The following EBF2 variants were observed in gnomAD, a reference collection of about 807,000 sequenced individuals.
EBF2 encodes the protein transcription factor COE2.
Under a neutral mutation model 72.8 loss-of-function variants are expected in EBF2, and 21 were observed. That is an observed-to-expected ratio of 0.29 (90% CI 0.20 to 0.42). The LOEUF is 0.42. Among genes scored for constraint, EBF2 ranks in the 10% least tolerant of loss-of-function variants. The pLI is 1.00. For synonymous variants in EBF2, 299 were observed against 274.2 expected, an observed-to-expected ratio of 1.09 and a Z score of -0.89; for missense variants, 637 against 731.2, an observed-to-expected ratio of 0.87 and a Z score of 1.49.
chr8:25,888,749 G>A (rs1174662047), intron 8 of EBF2, among the ~76,000 whole-genome samples: 1 of 152,108 alleles, frequency 6.6e-6, no homozygotes, highest in Non-Finnish European at 1.5e-5. Flanking sequence ...TGGTTTTCAG[G>A]CCATAACTAA....
intron 6 of EBF2, among the ~76,000 whole-genome samples, chr8:26,020,835 T>C (rs1281315235): frequency 6.6e-6 from 1 of 152,178 alleles, no homozygotes; most frequent in African/African-American, 2.4e-5. Context: ...CCTTGCCAGC[T>C]GGAGGATAAA....
intron 14 of EBF2, 31 bp downstream of exon 14, chr8:25,858,288 T>C: frequency 6.2e-7 from 1 of 1,612,474 alleles, no homozygotes; most frequent in South Asian, 1.1e-5. Flanking sequence ...CAAAAAAGCA[T>C]GGAGAGCCAA....
intron 7 of EBF2, among the ~76,000 whole-genome samples, chr8:25,903,433 C>T (rs886642477): frequency 1.3e-5 from 2 of 151,980 alleles, no homozygotes; most frequent in African/African-American, 4.8e-5. Flanking sequence ...CGGTGGCTCA[C>T]GCCTGTAATC....
rs1802138925 is a variant in EBF2 at position 25,858,365 on chromosome 8, A to G, written c.1482T>C (p.Gly494=). ...GTGAGCCATTTAGAAATCCTGGTGA[A>G]CCTGGAACACCCAAGTTGGCCATGG... ...NVPMANLGVP[G]SPGFLNGSPT... is the part of the protein sequence containing the mutation. The change falls in exon 14 of 16, where the codon GGT becomes GGC. Residue 494 remains glycine (G), a synonymous_variant. Coordinates refer to ENST00000520164, the MANE Select transcript of EBF2 (RefSeq NM_022659.4). 1 of 1,614,168 alleles carries G rather than the reference A, an allele frequency of 6.2e-7. No homozygotes were observed.
chr8:25,899,221 T>A (rs1323016569), intron 7 of EBF2, among the ~76,000 whole-genome samples: 1 of 149,430 alleles, frequency 6.7e-6, no homozygotes. Flanking sequence ...AAGAGAAAGA[T>A]CCTCCGACCC....
chr8:26,025,505 G>C (rs1479776854), intron 6 of EBF2, among the ~76,000 whole-genome samples: 3 of 152,026 alleles, frequency 2.0e-5, no homozygotes, highest in African/African-American at 7.2e-5. Context: ...TCCAGTGTCA[G>C]GAAGCTGGCC....
intron 6 of EBF2, among the ~76,000 whole-genome samples, chr8:25,936,072 G>A (rs910355221): frequency 6.6e-6 from 1 of 152,182 alleles, no homozygotes; most frequent in Non-Finnish European, 1.5e-5. Context: ...AGTGTTCAGT[G>A]TGGTTAGAGG....
At chr8:25,845,374 C>T (rs956279652) in intron 15 of EBF2, among the ~76,000 whole-genome samples, 2 of 152,154 alleles carry the variant, frequency 1.3e-5, no homozygotes, top group Non-Finnish European at 2.9e-5. Context: ...GCTGGGACTA[C>T]AGGTGCATGC....
chr8:26,023,663 T>C (rs1306045575), intron 6 of EBF2, among the ~76,000 whole-genome samples: 1 of 152,122 alleles, frequency 6.6e-6, no homozygotes, highest in South Asian at 2.1e-4. Context: ...AATTCACAGA[T>C]TGCCAGATGG....
rs1801790176 is a variant in EBF2 at position 25,844,388 on chromosome 8, G to A, written c.*221C>T. The A allele has an allele frequency of 3.8e-6, 2 of 527,346 alleles. No individual in the cohort carries two copies. The highest frequency in any genetic ancestry group is 6.8e-6 in the Non-Finnish European group (2 of 295,490). 32.7% of individuals were successfully genotyped at this position (527,346 alleles called of 1,614,324 possible). A position where few individuals can be genotyped will look rare whatever the true frequency, so the allele number is the denominator to read the frequency against. The stretch of plus-strand genomic sequence containing the variant: ...TGCTCTTAGCACTGACTACGTCAAT[G>A]ACATCTTTTGTCCTTGTCCCAAGAG... On this transcript the variant is annotated 3_prime_UTR_variant, in exon 16 of 16. Coordinates refer to ENST00000520164, the MANE Select transcript of EBF2 (RefSeq NM_022659.4).
chr8:25,995,001 AT>A (rs76818877), intron 6 of EBF2, among the ~76,000 whole-genome samples: 17 of 151,882 alleles, frequency 1.1e-4, no homozygotes, highest in African/African-American at 3.4e-4. Flanking sequence ...TGAAAAAAAA[AT>A]TTTTTTTAAA....
At chr8:25,999,329 T>A (rs1333110665) in intron 6 of EBF2, among the ~76,000 whole-genome samples, 1 of 152,264 alleles carries the variant, frequency 6.6e-6, no homozygotes, top group South Asian at 2.1e-4. Context: ...TGGGGGCCAA[T>A]GAAGATATAA....
intron 13 of EBF2, among the ~76,000 whole-genome samples, chr8:25,860,801 G>A (rs1802199757): frequency 6.6e-6 from 1 of 152,144 alleles, no homozygotes; most frequent in Non-Finnish European, 1.5e-5. Flanking sequence ...ACAGGTGTGA[G>A]CCACCAAACC....
chr8:25,998,306 T>C (rs187042446), intron 6 of EBF2, among the ~76,000 whole-genome samples: 3 of 152,082 alleles, frequency 2.0e-5, no homozygotes, highest in East Asian at 1.9e-4. Context: ...GTTCAAGCAA[T>C]AGGTGTGAAG....
intron 6 of EBF2, among the ~76,000 whole-genome samples, chr8:25,956,893 A>G (rs1803957847): frequency 6.6e-6 from 1 of 152,260 alleles, no homozygotes; most frequent in Non-Finnish European, 1.5e-5. Context: ...CAGCATTGAT[A>G]TAGAAAACAT....
At chr8:25,958,581 A>G (rs532442811) in intron 6 of EBF2, among the ~76,000 whole-genome samples, 1 of 151,770 alleles carries the variant, frequency 6.6e-6, no homozygotes, top group Non-Finnish European at 1.5e-5. Flanking sequence ...ATTTCCATTC[A>G]TTTACTCTTG....
At chr8:25,906,783 C>T (rs1175090155) in intron 7 of EBF2, among the ~76,000 whole-genome samples, 1 of 151,576 alleles carries the variant, frequency 6.6e-6, no homozygotes, top group Non-Finnish European at 1.5e-5. Context: ...AACAAACAAA[C>T]AAACAAACAA....
chr8:25,921,381 A>G (rs371955072), intron 6 of EBF2, among the ~76,000 whole-genome samples: 213 of 152,358 alleles, frequency 1.4e-3, no homozygotes, highest in African/African-American at 4.7e-3. Context: ...GACAAAAATC[A>G]GGTCAAGAAT....
intron 10 of EBF2, among the ~76,000 whole-genome samples, chr8:25,869,552 A>G (rs34225761): frequency 3.0e-3 from 450 of 152,244 alleles, no homozygotes; most frequent in Middle Eastern, 6.8e-3. Flanking sequence ...TTTTCCTGAA[A>G]GTATCCTCTA....
Sources: allele counts gnomAD v4.1 joint callset (sites outside exome capture counted in the v4.1 genomes callset), GRCh38; gene constraint gnomAD v4.1.1; transcripts MANE v1.5; gene names NCBI Gene and HGNC (gene_info 2026-07-23, HGNC 2026-07-21).